The following NRIP1 variants were observed in gnomAD, a reference collection of about 807,000 sequenced individuals.
NRIP1 encodes nuclear receptor interacting protein 1.
Under a neutral mutation model 75.0 loss-of-function variants are expected in NRIP1, and 28 were observed. The ratio of observed to expected loss-of-function variants is 0.37; its 90% confidence interval spans 0.28 to 0.51. The LOEUF (loss-of-function observed/expected upper bound fraction) is 0.51, where lower values mean the gene tolerates loss of function less well. Ranked by LOEUF, NRIP1 falls within the 20% of genes least tolerant of loss-of-function variation. The pLI is 0.92. For missense variants in NRIP1, 1,435 were observed against 1,343.7 expected (o/e 1.07, Z -1.06); for synonymous variants, 526 against 487.6 (o/e 1.08, Z -1.04).
intron 3 of NRIP1, among the ~76,000 whole-genome samples, chr21:14,980,015 C>T (rs935445754): frequency 6.6e-6 from 1 of 152,128 alleles, no homozygotes; most frequent in Non-Finnish European, 1.5e-5. Context: ...CTCTGCAATG[C>T]CTTGGGTCAC....
chr21:14,986,669 T>C (rs760847042), intron 3 of NRIP1, among the ~76,000 whole-genome samples: 2 of 152,208 alleles, frequency 1.3e-5, no homozygotes, highest in Non-Finnish European at 2.9e-5. Flanking sequence ...ATTGTTTAGG[T>C]ATTTGTTTTA....
At chr21:14,980,121 A>G (rs905567748) in intron 3 of NRIP1, among the ~76,000 whole-genome samples, 4 of 152,224 alleles carry the variant, frequency 2.6e-5, no homozygotes, top group Non-Finnish European at 5.9e-5. Context: ...TTTTCAAATC[A>G]CAGGGATCAA....
chr21:14,993,258 T>C (rs1374868920), intron 3 of NRIP1, among the ~76,000 whole-genome samples: 1 of 149,420 alleles, frequency 6.7e-6, no homozygotes, highest in East Asian at 1.9e-4. Flanking sequence ...AAATCAGGGC[T>C]GAGAAGCTTC....
intron 3 of NRIP1, among the ~76,000 whole-genome samples, chr21:14,999,778 G>C (rs139874950): frequency 5.9e-5 from 9 of 152,218 alleles, no homozygotes; most frequent in African/African-American, 1.9e-4. Flanking sequence ...CTGAACTTAG[G>C]GAAGTATCAC....
chr21:15,060,848 C>G (rs1038675680), intron 1 of NRIP1, among the ~76,000 whole-genome samples: 2 of 152,170 alleles, frequency 1.3e-5, no homozygotes, highest in African/African-American at 4.8e-5. Flanking sequence ...GAAACTAGAT[C>G]TCTCTCCTCC....
rs1275281712 is a variant in NRIP1, at chr21:14,964,528, CTCA to C, written c.*185_*187del. On this transcript the variant is annotated 3_prime_UTR_variant, in exon 4 of 4. Transcript: ENST00000318948. ...AACCAATTGCTAGTTCAGTAGTTTC[CTCA>C]TGACATCTAATGTTAAGCAAAAATT... The C allele has an allele frequency of 4.2e-6, 2 of 478,946 alleles. No homozygotes were observed. Among genetic ancestry groups the C allele is most frequent in the African/African-American group, 2.0e-5 (1 of 49,816 alleles). 29.7% of individuals were successfully genotyped at this position (478,946 alleles called of 1,614,324 possible). A position where few individuals can be genotyped will look rare whatever the true frequency, so the allele number is the denominator to read the frequency against.
At chr21:15,012,231 G>C (rs977202030) in intron 3 of NRIP1, among the ~76,000 whole-genome samples, 2 of 152,104 alleles carry the variant, frequency 1.3e-5, no homozygotes, top group Admixed American at 6.5e-5. Flanking sequence ...TCTATACTTT[G>C]ACCCAACATC....
At chr21:15,034,503 A>G (rs186786282) in intron 2 of NRIP1, among the ~76,000 whole-genome samples, 3 of 151,998 alleles carry the variant, frequency 2.0e-5, no homozygotes, top group South Asian at 2.1e-4. Flanking sequence ...TCCTGGGGGG[A>G]AAAAATGAAT....
chr21:15,023,219 A>G (rs2147218411), intron 2 of NRIP1, among the ~76,000 whole-genome samples: 1 of 152,328 alleles, frequency 6.6e-6, no homozygotes, highest in Admixed American at 6.5e-5. Context: ...ATAGTATGTA[A>G]ATTATATCTC....
intron 3 of NRIP1, among the ~76,000 whole-genome samples, chr21:14,968,891 G>A (rs188770607): frequency 1.3e-5 from 2 of 152,220 alleles, no homozygotes; most frequent in African/African-American, 4.8e-5. Context: ...TAGCTCTACA[G>A]GGGAACTAGA....
chr21:15,056,585 C>A (rs944967208), intron 1 of NRIP1, among the ~76,000 whole-genome samples: 6 of 152,116 alleles, frequency 3.9e-5, no homozygotes, highest in African/African-American at 1.4e-4. Flanking sequence ...TTCTTCCCCC[C>A]ATATTGTTCA....
Position 14,966,156 on chromosome 21 carries a change from AT to A in NRIP1, c.2036del (p.Asn679MetfsTer25). Reference sequence around the variant, plus strand: ...TAAATGCTTTATTTTCTTCAACTGCATTTGTTTTATTTGAGAGCAAAGGGCT... The same window carrying A: ...TAAATGCTTTATTTTCTTCAACTGCATTGTTTTATTTGAGAGCAAAGGGCT... ...LNSPLLSNKTNAVEENKAFSS... is the reference protein window; with the variant it reads ...LNSPLLSNKTXAVEENKAFSS... On this transcript the variant is annotated frameshift_variant, in exon 4 of 4. Coordinates refer to ENST00000318948, the MANE Select transcript of NRIP1 (RefSeq NM_003489.4). LOFTEE classifies it high-confidence loss of function. The A allele has an allele frequency of 6.2e-7, 1 of 1,613,370 alleles. No individual in the cohort carries two copies. Among genetic ancestry groups the A allele is most frequent in the South Asian group, 1.1e-5 (1 of 91,036 alleles).
At chr21:15,024,567 A>AGTGTGTGTGTGTGTGT (rs60376904) in intron 2 of NRIP1, among the ~76,000 whole-genome samples, 34 of 145,664 alleles carry the variant, frequency 2.3e-4, no homozygotes, top group African/African-American at 8.3e-4. Context: ...TGGTATCCAG[A>AGTGTGTGTGTGTGTGT]GTGTGTGTGT....
In NRIP1 at chr21:14,963,778, G is replaced by C. The variant is rs1460738696; in HGVS notation, c.*938C>G. The C allele has an allele frequency of 6.6e-6, 1 of 152,108 alleles. No homozygotes were observed. Among genetic ancestry groups the C allele is most frequent in the Non-Finnish European group, 1.5e-5 (1 of 68,008 alleles). The allele number at this position is 152,108 out of a possible 1,614,324, so 9.4% of individuals were successfully genotyped here. The stretch of plus-strand genomic sequence containing the variant: ...GATGGTTCTAATGCAAGTGGTCTGA[G>C]TTCAGGTTTAAGGAATCCTGGTCAT... On this transcript the variant is annotated 3_prime_UTR_variant, in exon 4 of 4. Transcript: ENST00000318948.
At chr21:15,015,569 T>C (rs188431391) in intron 2 of NRIP1, among the ~76,000 whole-genome samples, 19 of 152,204 alleles carry the variant, frequency 1.2e-4, no homozygotes, top group African/African-American at 4.3e-4. Flanking sequence ...GTACATTGTA[T>C]ACAGCCATAA....
At chr21:15,038,866 C>T (rs1484584409) in intron 2 of NRIP1, among the ~76,000 whole-genome samples, 2 of 152,070 alleles carry the variant, frequency 1.3e-5, no homozygotes, top group Admixed American at 1.3e-4. Flanking sequence ...AGATGCTCAG[C>T]CTCAGACTAG....
chr21:15,057,192 C>A (rs964145647), intron 1 of NRIP1, among the ~76,000 whole-genome samples: 10 of 152,032 alleles, frequency 6.6e-5, no homozygotes, highest in Non-Finnish European at 1.2e-4. Flanking sequence ...ATGTTAAGAA[C>A]TGTTAATAGT....
intron 3 of NRIP1, among the ~76,000 whole-genome samples, chr21:14,986,209 T>C (rs935618496): frequency 1.3e-5 from 2 of 152,202 alleles, no homozygotes; most frequent in South Asian, 2.1e-4. Context: ...GCTTCAAGTA[T>C]GAATGTTCAA....
chr21:15,042,205 T>C (rs1483395171), intron 2 of NRIP1, among the ~76,000 whole-genome samples: 2 of 152,224 alleles, frequency 1.3e-5, no homozygotes, highest in East Asian at 3.8e-4. Flanking sequence ...ACATCTGTAT[T>C]ATAGTAAAAG....
Sources: gnomAD v4.1 joint callset for allele counts (sites outside exome capture counted in the v4.1 genomes callset) on GRCh38, gnomAD v4.1.1 for gene constraint, MANE v1.5 for transcripts, NCBI Gene and HGNC (gene_info 2026-07-23, HGNC 2026-07-21) for gene names.